Variants in CCDC83 observed in about 807,000 individuals in gnomAD.
CCDC83 encodes the protein coiled-coil domain-containing protein 83.
In CCDC83, 54 loss-of-function variants were observed where a neutral mutation model predicts 50.1. The observed-to-expected ratio is 1.08, with a 90% confidence interval of 0.87 to 1.35. CCDC83 has a LOEUF of 1.35. CCDC83 is among the 40% of genes most tolerant of loss of function. The pLI, the probability that CCDC83 is intolerant of heterozygous loss-of-function variation, is 0.00. For missense variants in CCDC83, 518 were observed against 473.9 expected (o/e 1.09, Z -0.86); for synonymous variants, 161 against 153.3 (o/e 1.05, Z -0.37).
Position 85,915,568 on chromosome 11 carries a change from C to T in CCDC83, c.874+70C>T, listed in dbSNP as rs12294296. On this transcript the variant is annotated intron_variant, in intron 9 of 10. Transcript: ENST00000342404. ...TGTTTTTCAATTTAAAAAACACTTACCTATTGTGAGCAGGTGCCCCACATA... is the reference window on the plus strand; with the variant it reads ...TGTTTTTCAATTTAAAAAACACTTATCTATTGTGAGCAGGTGCCCCACATA... 21,421 of 1,124,108 alleles carry T rather than the reference C, an allele frequency of 0.019. 1,588 individuals carry two copies. In the African/African-American group the frequency reaches 0.21, roughly 11 times the overall value. 69.6% of individuals were successfully genotyped at this position (1,124,108 alleles called of 1,614,324 possible).
intron 1 of CCDC83, among the ~76,000 whole-genome samples, chr11:85,859,108 T>TA (rs141758826): frequency 0.043 from 5,327 of 123,266 alleles, 119 homozygotes; most frequent in African/African-American, 0.073. Context: ...ATGTTTATGT[T>TA]AAAAAAAAAT....
chr11:85,898,011 GGCCAGGCA>G (rs1291580660), intron 6 of CCDC83, among the ~76,000 whole-genome samples: 29 of 151,868 alleles, frequency 1.9e-4, no homozygotes, highest in Admixed American at 6.6e-5. Context: ...TACAAAACTT[GGCCAGGCA>G]CAGTGGTGGG....
chr11:85,911,115 G>A (rs1254709065), intron 7 of CCDC83, among the ~76,000 whole-genome samples, 166 bp from the exon 8 acceptor site: 2 of 148,698 alleles, frequency 1.3e-5, no homozygotes, highest in East Asian at 2.0e-4. Flanking sequence ...AGGTTGCAGT[G>A]AGCCAAGATT....
In CCDC83 at chr11:85,882,558, C is replaced by T; in HGVS notation, c.226C>T (p.Leu76=). ...ACAGATTTGGCACATACGGCATCTA[C>T]TAAAGGAACTGAGTGAAGAGAAGGC... ...EEQIWHIRHL[L]KELSEEKAEG... The change falls in exon 4 of 11, where the codon CTA becomes TTA. Residue 76 remains leucine (L), a synonymous_variant. Coordinates refer to ENST00000342404, the MANE Select transcript of CCDC83 (RefSeq NM_001286159.2). 1.2e-6 allele frequency: 2 copies of T among 1,613,762 alleles called. No homozygotes were observed. The highest frequency in any genetic ancestry group is 8.5e-7 in the Non-Finnish European group (1 of 1,179,894).
intron 8 of CCDC83, among the ~76,000 whole-genome samples, chr11:85,914,332 T>A (rs1193986390): frequency 6.6e-6 from 1 of 152,188 alleles, no homozygotes; most frequent in Non-Finnish European, 1.5e-5. Flanking sequence ...CAGGTAAACC[T>A]CATGGAAATG....
At chr11:85,857,125 C>T (rs954821722) in intron 1 of CCDC83, among the ~76,000 whole-genome samples, 2 of 152,206 alleles carry the variant, frequency 1.3e-5, no homozygotes, top group African/African-American at 4.8e-5. Flanking sequence ...TGACATTGGC[C>T]TGGACTTCTG....
At chr11:85,894,215 T>C (rs191534752) in intron 5 of CCDC83, among the ~76,000 whole-genome samples, 159 of 152,334 alleles carry the variant, frequency 1.0e-3, no homozygotes, top group Non-Finnish European at 1.9e-3. Context: ...AATAAGGTTC[T>C]ATAGTACTGT....
intron 3 of CCDC83, among the ~76,000 whole-genome samples, chr11:85,874,721 G>A (rs186704164): frequency 6.6e-4 from 101 of 152,192 alleles, no homozygotes; most frequent in Non-Finnish European, 1.2e-3. Flanking sequence ...ATTCTACCAC[G>A]ACTGCTCTAG....
intron 3 of CCDC83, among the ~76,000 whole-genome samples, chr11:85,877,790 A>G (rs995894734): frequency 2.0e-5 from 3 of 152,172 alleles, no homozygotes; most frequent in Non-Finnish European, 4.4e-5. Context: ...GTAAAATCAG[A>G]TATCTTTACT....
chr11:85,912,168 G>C (rs2093457553), intron 8 of CCDC83, among the ~76,000 whole-genome samples: 1 of 152,148 alleles, frequency 6.6e-6, no homozygotes, highest in Admixed American at 6.5e-5. Flanking sequence ...GAAATGTCTA[G>C]GTCTAGGAAT....
chr11:85,901,892 A>G (rs1255852446), intron 7 of CCDC83, among the ~76,000 whole-genome samples: 2 of 151,544 alleles, frequency 1.3e-5, no homozygotes, highest in African/African-American at 4.9e-5. Flanking sequence ...TTAGCCAGGC[A>G]TGGTGGTGCA....
intron 6 of CCDC83, among the ~76,000 whole-genome samples, chr11:85,897,339 C>G (rs953765016): frequency 2.0e-5 from 3 of 152,212 alleles, no homozygotes; most frequent in Admixed American, 1.3e-4. Context: ...AGGGCTCCTT[C>G]AGATCACTGC....
chr11:85,864,185 T>C (rs2093193811), intron 1 of CCDC83, among the ~76,000 whole-genome samples: 1 of 152,222 alleles, frequency 6.6e-6, no homozygotes, highest in Non-Finnish European at 1.5e-5. Context: ...AATACAGTGG[T>C]GCACAAGAAT....
chr11:85,886,100 A>C, intron 4 of CCDC83, 100 bp from the exon 5 acceptor site: 1 of 822,192 alleles, frequency 1.2e-6, no homozygotes, highest in South Asian at 3.2e-5. Context: ...TTATGAGTTA[A>C]CAGTATTTTA....
chr11:85,886,420 C>T, intron 5 of CCDC83, 53 bp downstream of exon 5: 1 of 1,419,090 alleles, frequency 7.0e-7, no homozygotes, highest in East Asian at 2.5e-5. Context: ...TTTAGTAGGG[C>T]ATACATTGAT....
chr11:85,868,767 C>T (rs1351530357), intron 2 of CCDC83, among the ~76,000 whole-genome samples: 1 of 151,924 alleles, frequency 6.6e-6, no homozygotes, highest in Non-Finnish European at 1.5e-5. Context: ...CCACCTCAAC[C>T]TCCTGAAATG....
intron 1 of CCDC83, among the ~76,000 whole-genome samples, chr11:85,855,786 A>G (rs1383752778): frequency 2.0e-5 from 3 of 151,854 alleles, no homozygotes; most frequent in South Asian, 2.1e-4. Flanking sequence ...AGGTTATACA[A>G]CTCTGTGCAG....
At chr11:85,897,416 A>G (rs989633914) in intron 6 of CCDC83, among the ~76,000 whole-genome samples, 1 of 152,182 alleles carries the variant, frequency 6.6e-6, no homozygotes, top group East Asian at 1.9e-4. Flanking sequence ...GCTTGAATGA[A>G]CTTTCCTCAT....
At chr11:85,893,640 C>T (rs1018464011) in intron 5 of CCDC83, among the ~76,000 whole-genome samples, 4 of 152,234 alleles carry the variant, frequency 2.6e-5, no homozygotes, top group Non-Finnish European at 5.9e-5. Context: ...TTTACAGCGG[C>T]TCTCCATCAC....
Sources: gnomAD v4.1 joint callset for allele counts (sites outside exome capture counted in the v4.1 genomes callset) on GRCh38, gnomAD v4.1.1 for gene constraint, MANE v1.5 for transcripts, NCBI Gene and HGNC (gene_info 2026-07-23, HGNC 2026-07-21) for gene names.